The following CCDC62 variants were observed in gnomAD, a reference collection of about 807,000 sequenced individuals.
The protein encoded by CCDC62 is coiled-coil domain-containing protein 62.
A neutral mutation model predicts 80.8 loss-of-function variants in CCDC62; 72 were observed. That is an observed-to-expected ratio of 0.89 (90% confidence interval 0.74 to 1.08). The LOEUF is 1.08. Ranked by LOEUF, CCDC62 falls within the 50% of genes least tolerant of loss-of-function variation. The pLI is 0.00. For synonymous variants in CCDC62, 286 were observed against 296.5 expected (o/e 0.96, Z 0.36); for missense variants, 704 against 809.4 (o/e 0.87, Z 1.58).
chr12:122,800,345 C>A (rs2031223575), intron 8 of CCDC62, among the ~76,000 whole-genome samples: 1 of 151,556 alleles, frequency 6.6e-6, no homozygotes. Context: ...CTTTCGGAAG[C>A]TAAGGCAGGA....
At position 122,801,460 on chromosome 12, in the gene CCDC62, T is replaced by C. The variant is rs780840811; in HGVS notation, c.1314T>C (p.His438=). 1 of 1,614,148 alleles carries C rather than the reference T, an allele frequency of 6.2e-7. No homozygotes were observed. The highest frequency in any genetic ancestry group is 2.2e-5 in the East Asian group (1 of 44,888). ...CKIHTKSPKC[H]GTGVQNEGKQ... The stretch of plus-strand genomic sequence containing the variant: ...TCCACACAAAATCACCAAAATGTCA[T>C]GGCACTGGGGTTCAGAACGAAGGAA... Residue 438 remains histidine (H), a synonymous_variant, in exon 9 of 13, where the codon CAT becomes CAC. Transcript: ENST00000253079.
At chr12:122,799,795 A>G (rs1386561539) in intron 8 of CCDC62, among the ~76,000 whole-genome samples, 1 of 152,172 alleles carries the variant, frequency 6.6e-6, no homozygotes, top group African/African-American at 2.4e-5. Flanking sequence ...TAGCTGCAGC[A>G]CTGCAGGGAT....
chr12:122,775,097 A>AC (rs1272289500), intron 1 of CCDC62, among the ~76,000 whole-genome samples: 7 of 138,548 alleles, frequency 5.1e-5, no homozygotes, highest in Non-Finnish European at 9.0e-5. Context: ...CCGTCTCAAA[A>AC]AAAAAAAAAA....
Position 122,797,372 on chromosome 12 carries a change from T to G in CCDC62, c.838T>G (p.Ser280Ala). 1 of 1,593,626 alleles carries G rather than the reference T, an allele frequency of 6.3e-7. No individual in the cohort carries two copies. The highest frequency in any genetic ancestry group is 8.6e-7 in the Non-Finnish European group (1 of 1,161,680). The change falls in exon 7 of 13, where the codon TCA (serine) becomes GCA (alanine). Residue 280 changes from serine (S) to alanine (A), a missense_variant. Coordinates refer to ENST00000253079, the MANE Select transcript of CCDC62 (RefSeq NM_201435.5). Reference protein sequence around the residue: ...IAKSKQERTNSELHNLRQIYV... With the variant: ...IAKSKQERTNAELHNLRQIYV... ...GAAGTCAAAGCAAGAACGCACAAAT[T>G]CAGAACTGCACAATCTGAGACAGGT...
intron 10 of CCDC62, among the ~76,000 whole-genome samples, chr12:122,810,955 G>C (rs2031844018): frequency 6.7e-6 from 1 of 149,718 alleles, no homozygotes; most frequent in Non-Finnish European, 1.5e-5. Context: ...TCACTCATAG[G>C]TGGGAATTGA....
chr12:122,779,824 C>T (rs1057425590), intron 2 of CCDC62, among the ~76,000 whole-genome samples: 2 of 139,710 alleles, frequency 1.4e-5, no homozygotes, highest in Non-Finnish European at 3.0e-5. Flanking sequence ...AGAAGAATTG[C>T]TTGAACTTGG....
At chr12:122,818,097 C>T (rs562923564) in intron 11 of CCDC62, among the ~76,000 whole-genome samples, 5 of 151,782 alleles carry the variant, frequency 3.3e-5, no homozygotes, top group Non-Finnish European at 7.4e-5. Context: ...CACTTGAGGG[C>T]AGGAGTTCAA....
intron 12 of CCDC62, among the ~76,000 whole-genome samples, chr12:122,823,774 G>A (rs1188290675): frequency 6.6e-6 from 1 of 151,236 alleles, no homozygotes; most frequent in African/African-American, 2.4e-5. Flanking sequence ...AGGCTGAGGC[G>A]GCTGGATCAC....
intron 8 of CCDC62, among the ~76,000 whole-genome samples, chr12:122,800,103 C>G (rs1317294366): frequency 6.6e-6 from 1 of 151,770 alleles, no homozygotes; most frequent in Non-Finnish European, 1.5e-5. Flanking sequence ...AAGCGATCCT[C>G]TCACCTCAGC....
intron 7 of CCDC62, 51 bp downstream of exon 7, chr12:122,797,446 A>G (rs2031031425): frequency 9.7e-7 from 1 of 1,026,234 alleles, no homozygotes; most frequent in African/African-American, 1.6e-5. Context: ...TTGTAAACAA[A>G]TAGCAAATTA....
intron 10 of CCDC62, among the ~76,000 whole-genome samples, chr12:122,809,511 C>T (rs1174448130): frequency 8.6e-5 from 13 of 151,506 alleles, no homozygotes; most frequent in East Asian, 1.9e-4. Context: ...ATAGGCTGGG[C>T]GTGGTGGCTC....
chr12:122,783,834 G>T (rs536590294), intron 3 of CCDC62, among the ~76,000 whole-genome samples: 1 of 152,100 alleles, frequency 6.6e-6, no homozygotes, highest in Admixed American at 6.5e-5. Flanking sequence ...CCTTCCCCAC[G>T]ATCGACCTCC....
intron 10 of CCDC62, among the ~76,000 whole-genome samples, chr12:122,810,680 A>G (rs2031829980): frequency 6.6e-6 from 1 of 152,232 alleles, no homozygotes; most frequent in Non-Finnish European, 1.5e-5. Context: ...GTATATACCC[A>G]AAGGATTATA....
chr12:122,775,043 G>C (rs1458825215), intron 1 of CCDC62, among the ~76,000 whole-genome samples: 4 of 132,238 alleles, frequency 3.0e-5, no homozygotes, highest in Non-Finnish European at 6.1e-5. Flanking sequence ...GCAGTGAGCC[G>C]AGATCGCGCC....
rs1307816236 is a variant in CCDC62, at chr12:122,813,370, G to A, written c.1952G>A (p.Ser651Asn). Reference protein sequence around the residue: ...SRQMVTDLELSTLLPISHENL... With the variant: ...SRQMVTDLELNTLLPISHENL... ...CAGATGGTGACGGACCTGGAGCTGAGCACACTGCTGCCCATCAGCCATGAG... is the reference window on the plus strand; with the variant it reads ...CAGATGGTGACGGACCTGGAGCTGAACACACTGCTGCCCATCAGCCATGAG... Residue 651 changes from serine to asparagine, a missense_variant, in exon 11 of 13, where the codon AGC becomes AAC. Physicochemically the swap from Ser to Asn is conservative, Grantham distance 46. Coordinates refer to ENST00000253079, the MANE Select transcript of CCDC62 (RefSeq NM_201435.5). 6.2e-7 allele frequency: 1 copy of A among 1,613,732 alleles called. No individual in the cohort carries two copies.
At chr12:122,784,986 A>C (rs1038551148) in intron 3 of CCDC62, among the ~76,000 whole-genome samples, 14 of 152,120 alleles carry the variant, frequency 9.2e-5, no homozygotes, top group Admixed American at 5.9e-4. Flanking sequence ...TAAAAATACA[A>C]AAATTAGCCA....
intron 11 of CCDC62, among the ~76,000 whole-genome samples, chr12:122,816,464 G>A (rs2032167415): frequency 6.6e-6 from 1 of 152,162 alleles, no homozygotes; most frequent in African/African-American, 2.4e-5. Flanking sequence ...GGTGGCTAAT[G>A]CCTGTAATCC....
chr12:122,786,749 A>G (rs1356566785), intron 4 of CCDC62, among the ~76,000 whole-genome samples: 2 of 151,146 alleles, frequency 1.3e-5, no homozygotes, highest in Non-Finnish European at 3.0e-5. Flanking sequence ...TCACGAGGTC[A>G]GGAGATCGAG....
chr12:122,789,936 C>T (rs565245639), intron 5 of CCDC62, among the ~76,000 whole-genome samples: 1 of 142,144 alleles, frequency 7.0e-6, no homozygotes, highest in African/African-American at 3.1e-5. Flanking sequence ...AAGGGCTACA[C>T]TCTAGGTATT....
Sources: gnomAD v4.1 joint callset for allele counts (sites outside exome capture counted in the v4.1 genomes callset) on GRCh38, gnomAD v4.1.1 for gene constraint, MANE v1.5 for transcripts, NCBI Gene and HGNC (gene_info 2026-07-23, HGNC 2026-07-21) for gene names.